The following DZIP3 variants were observed in gnomAD, a reference collection of about 807,000 sequenced individuals.
DZIP3 encodes E3 ubiquitin-protein ligase DZIP3.
DZIP3 carries 118 observed loss-of-function variants against 162.0 expected under a neutral mutation model. The ratio of observed to expected loss-of-function variants is 0.73; its 90% confidence interval spans 0.63 to 0.85. DZIP3 has a LOEUF of 0.85. DZIP3 is among the 40% of genes least tolerant of loss of function. The pLI, the probability that DZIP3 is intolerant of heterozygous loss-of-function variation, is 0.00. For missense variants in DZIP3, 1,331 were observed against 1,407.0 expected, an observed-to-expected ratio of 0.95 and a Z score of 0.86; for synonymous variants, 438 against 458.6, an observed-to-expected ratio of 0.96 and a Z score of 0.57.
At chr3:108,598,505 C>T (rs933299625) in intron 1 of DZIP3, among the ~76,000 whole-genome samples, 1 of 152,136 alleles carries the variant, frequency 6.6e-6, no homozygotes, top group Non-Finnish European at 1.5e-5. Flanking sequence ...ACCAAAAGCT[C>T]GCTCTGCCTT....
chr3:108,612,272 T>C (rs1002821070), intron 4 of DZIP3, among the ~76,000 whole-genome samples: 7 of 152,204 alleles, frequency 4.6e-5, no homozygotes, highest in Non-Finnish European at 1.0e-4. Flanking sequence ...AATATATGGT[T>C]ATTTCCATGA....
At position 108,634,971 on chromosome 3, in the gene DZIP3, A is replaced by G. The variant is rs755164983; in HGVS notation, c.917A>G (p.Gln306Arg). The change falls in exon 10 of 33, where the codon CAG becomes CGG. Residue 306 changes from glutamine to arginine, a missense_variant and splice_region_variant. Physicochemically the swap from Gln to Arg is conservative, Grantham distance 43 (BLOSUM62 1). Around this residue, in one of 2 missense-constraint regions of DZIP3, gnomAD observed 1,278 missense variants for 1,317.1 expected, o/e 0.97. Coordinates refer to ENST00000361582, the MANE Select transcript of DZIP3 (RefSeq NM_014648.4). Reference protein sequence around the residue: ...KNLKYPGENDQSFSGKKCLKE... With the variant: ...KNLKYPGENDRSFSGKKCLKE... The stretch of plus-strand genomic sequence containing the variant: ...TTAAAGTATCCAGGTGAAAATGATC[A>G]GGTATTATATTCGTTCTTAAAACTA... The G allele has an allele frequency of 6.4e-7, 1 of 1,569,740 alleles. No homozygotes were observed. Among genetic ancestry groups the G allele is most frequent in the Non-Finnish European group, 8.7e-7 (1 of 1,144,684 alleles).
chr3:108,642,630 C>A, intron 13 of DZIP3, 116 bp downstream of exon 13: 2 of 1,180,682 alleles, frequency 1.7e-6, no homozygotes, highest in Non-Finnish European at 2.3e-6. Flanking sequence ...ATTCACTGAG[C>A]TTGGGTTTAT....
chr3:108,608,399 T>A (rs1430371894), intron 3 of DZIP3, among the ~76,000 whole-genome samples: 1 of 152,062 alleles, frequency 6.6e-6, no homozygotes, highest in Non-Finnish European at 1.5e-5. Context: ...AAAAAAAAAT[T>A]GAATGGAATC....
At chr3:108,675,656 G>T (rs1405354089) in intron 24 of DZIP3, 130 bp from the exon 25 acceptor site, 3 of 590,512 alleles carry the variant, frequency 5.1e-6, no homozygotes, top group Non-Finnish European at 8.5e-6. Context: ...TCCATTTGAA[G>T]TAATTGTTGG....
chr3:108,647,334 T>A (rs920510933), intron 15 of DZIP3, among the ~76,000 whole-genome samples: 7 of 152,120 alleles, frequency 4.6e-5, no homozygotes, highest in African/African-American at 1.7e-4. Context: ...CTATTTTTTT[T>A]AAGTGTAATT....
At chr3:108,662,038 C>A in intron 20 of DZIP3, 66 bp downstream of exon 20, 1 of 1,577,772 alleles carries the variant, frequency 6.3e-7, no homozygotes, top group Admixed American at 1.9e-5. Context: ...CTTACTGGTG[C>A]TTTCTGTTTG....
At chr3:108,641,527 A>G (rs1227302746) in intron 12 of DZIP3, among the ~76,000 whole-genome samples, 2 of 152,276 alleles carry the variant, frequency 1.3e-5, no homozygotes, top group East Asian at 3.9e-4. Context: ...CTAGGTCAAT[A>G]TGAGCAGAAA....
Position 108,684,304 on chromosome 3 carries a change from G to A in DZIP3, c.2972G>A (p.Gly991Glu). The change falls in exon 27 of 33, where the codon GGA becomes GAA. Residue 991 changes from glycine (G) to glutamate (E), a missense_variant. Gly to Glu is a moderately conservative substitution (Grantham distance 98). Around this residue, in one of 2 missense-constraint regions of DZIP3, gnomAD observed 1,278 missense variants for 1,317.1 expected, o/e 0.97. Transcript: ENST00000361582. ...CCTCAAATGCCTGCAGTTTGCCCGG[G>A]AGTCGTCTCTGCAACTGGCCAACCT... ...TVPQMPAVCP[G>E]VVSATGQPRA... 1 of 1,613,040 alleles carries A rather than the reference G, an allele frequency of 6.2e-7. No homozygotes were observed. Among genetic ancestry groups the A allele is most frequent in the Non-Finnish European group, 8.5e-7 (1 of 1,179,522 alleles).
At chr3:108,661,055 A>G (rs186887285) in intron 19 of DZIP3, among the ~76,000 whole-genome samples, 5 of 152,350 alleles carry the variant, frequency 3.3e-5, no homozygotes, top group Non-Finnish European at 7.3e-5. Flanking sequence ...AACTAGGTCA[A>G]CCATTGTGGA....
chr3:108,660,336 A>G (rs966173929), intron 19 of DZIP3, among the ~76,000 whole-genome samples: 13 of 152,194 alleles, frequency 8.5e-5, no homozygotes, highest in African/African-American at 2.2e-4. Flanking sequence ...ATAATGCCAC[A>G]TATCTACAAC....
At chr3:108,601,304 G>A (rs1940003100) in intron 1 of DZIP3, among the ~76,000 whole-genome samples, 1 of 152,046 alleles carries the variant, frequency 6.6e-6, no homozygotes, top group Admixed American at 6.6e-5. Context: ...TCTGGCATCT[G>A]GTGGATGGAG....
intron 10 of DZIP3, among the ~76,000 whole-genome samples, chr3:108,635,738 A>G (rs1330568375): frequency 1.3e-5 from 2 of 150,348 alleles, no homozygotes; most frequent in African/African-American, 4.9e-5. Context: ...TGCCACTAAT[A>G]TTAAAGTGGA....
intron 21 of DZIP3, among the ~76,000 whole-genome samples, chr3:108,668,211 A>G (rs1338331893): frequency 6.6e-6 from 1 of 152,072 alleles, no homozygotes; most frequent in Non-Finnish European, 1.5e-5. Flanking sequence ...ACTTTGGATA[A>G]ACTACAATAA....
chr3:108,667,225 G>T (rs1476440211), intron 21 of DZIP3, among the ~76,000 whole-genome samples: 2 of 151,886 alleles, frequency 1.3e-5, no homozygotes, highest in East Asian at 3.9e-4. Flanking sequence ...GAAACAAAAA[G>T]CTGTGTCTTT....
chr3:108,644,111 T>C (rs1347309972), intron 13 of DZIP3, 53 bp from the exon 14 acceptor site: 7 of 1,527,726 alleles, frequency 4.6e-6, no homozygotes, highest in African/African-American at 1.4e-5. Context: ...AGAGACCAAA[T>C]AGAAAATGAG....
rs139376558 is a variant in DZIP3 at position 108,618,924 on chromosome 3, G to A, written c.375+2267G>A. Among the ~76,000 whole-genome samples the A allele has an allele frequency of 1.3e-3, 192 of 151,798 alleles. 1 individual carries two copies. The Middle Eastern group carries it at 0.014, about 11-fold the overall frequency. On this transcript the variant is annotated intron_variant, in intron 5 of 32. Transcript: ENST00000361582. Reference sequence around the variant, plus strand: ...AAAAATATAAAAATTAGCCAGGTGTGGTGGCATGCGCCTGTAATCCCAACT... The same window carrying A: ...AAAAATATAAAAATTAGCCAGGTGTAGTGGCATGCGCCTGTAATCCCAACT...
Position 108,674,071 on chromosome 3 carries a change from C to CCTA in DZIP3, c.2590-5_2590-4insACT. 3.7e-6 allele frequency: 6 copies of CCTA among 1,602,852 alleles called. No homozygotes were observed. The highest frequency in any genetic ancestry group is 5.1e-6 in the Non-Finnish European group (6 of 1,171,280). On this transcript the variant is annotated splice_polypyrimidine_tract_variant and splice_region_variant and intron_variant, in intron 23 of 32. Transcript: ENST00000361582. Reference sequence around the variant, plus strand: ...AACTTCTTTCTCTTTCTCTCAAAAACCTGTAGGTGTATTTCTTACAGTGTC... The same window carrying CCTA: ...AACTTCTTTCTCTTTCTCTCAAAAACCTACTGTAGGTGTATTTCTTACAGTGTC...
intron 22 of DZIP3, among the ~76,000 whole-genome samples, chr3:108,671,391 A>G (rs769886146): frequency 1.3e-5 from 2 of 151,900 alleles, no homozygotes; most frequent in African/African-American, 2.4e-5. Flanking sequence ...TTTTCAATTA[A>G]TTGTTTTCAT....
Sources: gnomAD v4.1 joint callset for allele counts (sites outside exome capture counted in the v4.1 genomes callset) on GRCh38, gnomAD v4.1.1 for gene constraint, gnomAD v4.1.1 regional missense constraint, MANE v1.5 for transcripts, NCBI Gene and HGNC (gene_info 2026-07-23, HGNC 2026-07-21) for gene names.